BRD7: variants seen among roughly 807,000 people sequenced by gnomAD.
BRD7 encodes the protein bromodomain containing 7.
Under a neutral mutation model 82.1 loss-of-function variants are expected in BRD7, and 15 were observed. That is an observed-to-expected ratio of 0.18 (90% CI 0.12 to 0.28). BRD7 has a LOEUF of 0.28. BRD7 is among the 10% of genes least tolerant of loss of function. The pLI, the probability that BRD7 is intolerant of heterozygous loss-of-function variation, is 1.00. For synonymous variants in BRD7, 232 were observed against 266.9 expected, an observed-to-expected ratio of 0.87 and a Z score of 1.27; for missense variants, 638 against 779.9, an observed-to-expected ratio of 0.82 and a Z score of 2.17.
intron 1 of BRD7, 52 bp downstream of exon 1, chr16:50,368,674 G>T: frequency 6.6e-7 from 1 of 1,526,394 alleles, no homozygotes; most frequent in Non-Finnish European, 8.8e-7. Context: ...AAGAGCGGAA[G>T]CCCGGCAGAG....
intron 6 of BRD7, among the ~76,000 whole-genome samples, chr16:50,336,680 T>G (rs1386930230): frequency 3.9e-5 from 6 of 152,246 alleles, no homozygotes; most frequent in Admixed American, 3.9e-4. Flanking sequence ...ATTATTTCTG[T>G]AAGTTCTCAG....
chr16:50,366,974 T>C (rs1433135142), intron 2 of BRD7, among the ~76,000 whole-genome samples: 3 of 152,106 alleles, frequency 2.0e-5, no homozygotes, highest in African/African-American at 7.2e-5. Context: ...AAAACATTAC[T>C]CCTACCTAGC....
chr16:50,350,455 A>C (rs554714971), intron 4 of BRD7, among the ~76,000 whole-genome samples: 2 of 152,314 alleles, frequency 1.3e-5, no homozygotes, highest in African/African-American at 2.4e-5. Context: ...CAAAATAAAC[A>C]ACCTCAACTA....
chr16:50,358,590 G>A (rs1018370885), intron 2 of BRD7, among the ~76,000 whole-genome samples: 2 of 151,872 alleles, frequency 1.3e-5, no homozygotes, highest in African/African-American at 4.8e-5. Flanking sequence ...TTTACCACAT[G>A]CAAGATGGAG....
rs765339612 is a variant in BRD7 at position 50,368,044 on chromosome 16, A to C, written c.258+46T>G. 15 of 1,583,998 alleles carry C rather than the reference A, an allele frequency of 9.5e-6. No individual in the cohort carries two copies. In the South Asian group the frequency reaches 1.7e-4, roughly 18 times the overall value. ...AAATAAAATGAGGTTGGCACCTGGA[A>C]GAGGCAGTGCCGTCCGCAAAGCCAA... is the stretch of plus-strand genomic sequence containing the variant. On this transcript the variant is annotated intron_variant, in intron 2 of 16. Transcript: ENST00000394688.
chr16:50,361,831 G>C (rs1861240879), intron 2 of BRD7: 1 of 152,102 alleles, frequency 6.6e-6, no homozygotes, highest in African/African-American at 2.4e-5. Flanking sequence ...GCCCATTTTT[G>C]AGCTAATCCT....
In BRD7 at chr16:50,351,055, C is replaced by G. The variant is rs535546195; in HGVS notation, c.447-888G>C. Among the ~76,000 whole-genome samples, 32 of 152,272 alleles carry G rather than the reference C, an allele frequency of 2.1e-4. No individual in the cohort carries two copies. The South Asian group carries it at 5.4e-3, about 26-fold the overall frequency. On this transcript the variant is annotated intron_variant, in intron 4 of 16. Transcript: ENST00000394688. ...GCTAATTTTTTTTCCCTCTGGAAAT[C>G]TGGCACACCAAAAGTTTTCTTACTC...
intron 5 of BRD7, among the ~76,000 whole-genome samples, chr16:50,341,928 TCACACACACACACACACACACA>T (rs375793137): frequency 1.4e-5 from 2 of 143,550 alleles, no homozygotes; most frequent in African/African-American, 2.6e-5. Flanking sequence ...TGCACACTTT[TCACACACACACACACACACACA>T]CACACACACA....
intron 8 of BRD7, among the ~76,000 whole-genome samples, chr16:50,333,242 A>G (rs1262172579): frequency 1.3e-5 from 2 of 152,264 alleles, no homozygotes; most frequent in African/African-American, 4.8e-5. Flanking sequence ...AGAACATATT[A>G]TAACTTCATT....
chr16:50,351,910 T>A (rs1039508229), intron 4 of BRD7, among the ~76,000 whole-genome samples: 3 of 149,268 alleles, frequency 2.0e-5, no homozygotes, highest in African/African-American at 7.5e-5. Context: ...CCCAAACACT[T>A]GTTATTTCTT....
intron 5 of BRD7, among the ~76,000 whole-genome samples, chr16:50,343,240 G>A (rs2038144639): frequency 6.6e-6 from 1 of 152,206 alleles, no homozygotes; most frequent in South Asian, 2.1e-4. Context: ...GGAAGGACCT[G>A]GTGGGAGGTG....
chr16:50,357,514 T>C (rs1349704465), intron 2 of BRD7, among the ~76,000 whole-genome samples: 1 of 152,208 alleles, frequency 6.6e-6, no homozygotes. Context: ...CTGGCAAGTT[T>C]AGAAGATCCA....
intron 13 of BRD7, 27 bp downstream of exon 13, chr16:50,321,955 T>C (rs2037136667): frequency 6.3e-7 from 1 of 1,588,626 alleles, no homozygotes; most frequent in East Asian, 2.2e-5. Context: ...ATTTAAATAT[T>C]TCTTGTAAAG....
At chr16:50,350,248 A>G in intron 4 of BRD7, 81 bp from the exon 5 acceptor site, 1 of 1,087,208 alleles carries the variant, frequency 9.2e-7, no homozygotes. Flanking sequence ...AAGTCAGAGG[A>G]AACCCTTCAG....
intron 5 of BRD7, chr16:50,349,324 A>G: frequency 2.8e-5 from 9 of 315,996 alleles, no homozygotes; most frequent in South Asian, 2.4e-4. Context: ...TCAGCGCACC[A>G]ACATGGCACA....
intron 11 of BRD7, among the ~76,000 whole-genome samples, chr16:50,323,965 C>T (rs999854482): frequency 2.0e-5 from 3 of 152,118 alleles, no homozygotes; most frequent in African/African-American, 4.8e-5. Flanking sequence ...TGCTCCCCGC[C>T]CCCTCACTTC....
At position 50,361,235 on chromosome 16, in the gene BRD7, G is replaced by A. The variant is rs1051980732; in HGVS notation, c.259-6313C>T. ...TCCACTGTTGGACTTAGTATAGATA[G>A]TGCTTTAATAAAATAGGTACTTACT... On this transcript the variant is annotated intron_variant, in intron 2 of 16. Transcript: ENST00000394688. Among the ~76,000 whole-genome samples the A allele has an allele frequency of 2.0e-5, 3 of 152,194 alleles. No individual in the cohort carries two copies. In the East Asian group the frequency reaches 5.8e-4, roughly 29 times the overall value.
Position 50,366,321 on chromosome 16 carries a change from G to C in BRD7, c.258+1769C>G, listed in dbSNP as rs2039141783. ...GGAAGCAGGTGAAGGAGAGTCCCAG[G>C]AGGCCTTGACAGCAACTAATTCAGC... On this transcript the variant is annotated intron_variant, in intron 2 of 16. Transcript: ENST00000394688. Among the ~76,000 whole-genome samples the C allele has an allele frequency of 3.3e-5, 5 of 152,302 alleles. No individual in the cohort carries two copies. The South Asian group carries it at 1.0e-3, about 32-fold the overall frequency.
At chr16:50,357,995 CA>C (rs760741287) in intron 2 of BRD7, among the ~76,000 whole-genome samples, 1 of 151,676 alleles carries the variant, frequency 6.6e-6, no homozygotes, top group Non-Finnish European at 1.5e-5. Context: ...CAAAACAAAT[CA>C]AAACAAAACA....
Sources: allele counts gnomAD v4.1 joint callset (sites outside exome capture counted in the v4.1 genomes callset), GRCh38; gene constraint gnomAD v4.1.1; transcripts MANE v1.5; gene names NCBI Gene and HGNC (gene_info 2026-07-23, HGNC 2026-07-21).